The following CNTN5 variants were observed in gnomAD, a reference collection of about 807,000 sequenced individuals.
The protein encoded by CNTN5 is contactin 5, also known as contactin-5.
In CNTN5, 77 loss-of-function variants were observed where a neutral mutation model predicts 129.1. That is an observed-to-expected ratio of 0.60 (90% confidence interval 0.50 to 0.72). CNTN5 has a LOEUF of 0.72. Ranked by LOEUF, CNTN5 falls within the 30% of genes least tolerant of loss-of-function variation. The probability of loss-of-function intolerance (pLI) is 0.00; values close to 1 mark genes in which losing one functional copy is unlikely to be tolerated. For missense variants in CNTN5, 1,478 were observed against 1,328.8 expected, an observed-to-expected ratio of 1.11 and a Z score of -1.75; for synonymous variants, 509 against 465.6, an observed-to-expected ratio of 1.09 and a Z score of -1.20.
intron 3 of CNTN5, among the ~76,000 whole-genome samples, chr11:99,699,285 A>G (rs1954413081): frequency 6.6e-6 from 1 of 151,534 alleles, no homozygotes; most frequent in Non-Finnish European, 1.5e-5. Context: ...CTTATATTTA[A>G]TGTTTAATTT....
intron 1 of CNTN5, among the ~76,000 whole-genome samples, chr11:99,065,830 C>T (rs1865079882): frequency 6.6e-6 from 1 of 151,318 alleles, no homozygotes; most frequent in Non-Finnish European, 1.5e-5. Context: ...ACTATAAATA[C>T]AGTGAATGTT....
intron 2 of CNTN5, among the ~76,000 whole-genome samples, chr11:99,356,043 G>A (rs1938639025): frequency 6.6e-6 from 1 of 151,798 alleles, no homozygotes; most frequent in Non-Finnish European, 1.5e-5. Flanking sequence ...AGCCAGGATG[G>A]TCTCAATCTC....
chr11:99,125,596 C>A (rs1215172517), intron 1 of CNTN5, among the ~76,000 whole-genome samples: 1 of 151,972 alleles, frequency 6.6e-6, no homozygotes, highest in Non-Finnish European at 1.5e-5. Flanking sequence ...TGTTGTAAGT[C>A]CTGGCTAGAG....
Position 99,436,548 on chromosome 11 carries a change from G to C in CNTN5, c.-71+111064G>C, listed in dbSNP as rs10501910. Among the ~76,000 whole-genome samples the C allele has an allele frequency of 5.5e-4, 84 of 152,158 alleles. No individual in the cohort carries two copies. The East Asian group carries it at 0.011, about 19-fold the overall frequency. The stretch of plus-strand genomic sequence containing the variant: ...TGTATCTATTCTTTCAAAGTAATTG[G>C]TGTTCATCTCAAGATCGTGTTTATG... On this transcript the variant is annotated intron_variant, in intron 2 of 24. Transcript: ENST00000524871.
At chr11:99,124,730 GA>G (rs925491747) in intron 1 of CNTN5, among the ~76,000 whole-genome samples, 5 of 150,490 alleles carry the variant, frequency 3.3e-5, no homozygotes, top group East Asian at 3.9e-4. Context: ...AGTAATAAGG[GA>G]AAAAAAAGAG....
intron 1 of CNTN5, among the ~76,000 whole-genome samples, chr11:99,041,291 G>C (rs2135137462): frequency 6.6e-6 from 1 of 152,016 alleles, no homozygotes; most frequent in South Asian, 2.1e-4. Flanking sequence ...TCTGATTTTT[G>C]CCATATCTTT....
chr11:99,799,451 T>C (rs1946047713), intron 3 of CNTN5, among the ~76,000 whole-genome samples: 1 of 151,988 alleles, frequency 6.6e-6, no homozygotes, highest in Admixed American at 6.6e-5. Flanking sequence ...AGAGTTTTTA[T>C]CATGAAGCAA....
chr11:100,308,212 C>T, intron 20 of CNTN5, 147 bp from the exon 21 acceptor site: 1 of 644,470 alleles, frequency 1.6e-6, no homozygotes, highest in Middle Eastern at 2.7e-4. Context: ...AAAAGGATCA[C>T]CTTTATATTT....
chr11:99,041,597 AATTG>A (rs992389314), intron 1 of CNTN5, among the ~76,000 whole-genome samples: 4 of 152,156 alleles, frequency 2.6e-5, no homozygotes, highest in Non-Finnish European at 5.9e-5. Flanking sequence ...TTTTATCTCA[AATTG>A]ATTGCCCTCA....
chr11:100,321,773 G>T (rs528072292), intron 21 of CNTN5, among the ~76,000 whole-genome samples: 17 of 152,072 alleles, frequency 1.1e-4, no homozygotes, highest in African/African-American at 3.6e-4. Context: ...TGTTGAATTT[G>T]TCAAATGCTT....
chr11:99,346,469 G>C (rs115715988), intron 2 of CNTN5, among the ~76,000 whole-genome samples: 1 of 152,082 alleles, frequency 6.6e-6, no homozygotes, highest in South Asian at 2.1e-4. Context: ...TGATTACTTC[G>C]CCATCCCTGG....
At chr11:100,175,035 A>T (rs1363337502) in intron 13 of CNTN5, among the ~76,000 whole-genome samples, 2 of 152,030 alleles carry the variant, frequency 1.3e-5, no homozygotes, top group Non-Finnish European at 2.9e-5. Context: ...AAAGAGTATG[A>T]ATTTCTTTCA....
chr11:99,904,460 AG>A (rs1260299615), intron 6 of CNTN5, among the ~76,000 whole-genome samples: 1 of 152,066 alleles, frequency 6.6e-6, no homozygotes, highest in Non-Finnish European at 1.5e-5. Flanking sequence ...GTCCCTGCAA[AG>A]GACATGAACT....
At chr11:100,015,870 T>C (rs534153467) in intron 9 of CNTN5, among the ~76,000 whole-genome samples, 1 of 152,126 alleles carries the variant, frequency 6.6e-6, no homozygotes, top group African/African-American at 2.4e-5. Context: ...AGGCACATAC[T>C]TATAGTTTCT....
chr11:100,058,672 G>A (rs1268466308), intron 9 of CNTN5, among the ~76,000 whole-genome samples: 1 of 152,088 alleles, frequency 6.6e-6, no homozygotes, highest in Non-Finnish European at 1.5e-5. Context: ...AAGGAATAAA[G>A]CAGAAAGGTA....
chr11:99,769,119 A>G (rs1011740469), intron 3 of CNTN5, among the ~76,000 whole-genome samples: 3 of 151,982 alleles, frequency 2.0e-5, no homozygotes, highest in Non-Finnish European at 4.4e-5. Context: ...ATTACTTGCA[A>G]TATTCTTTTT....
At chr11:99,090,556 A>G (rs11827869) in intron 1 of CNTN5, among the ~76,000 whole-genome samples, 1 of 152,232 alleles carries the variant, frequency 6.6e-6, no homozygotes, top group East Asian at 1.9e-4. Flanking sequence ...AACAAAATCC[A>G]CAAATCCCTT....
At chr11:99,243,671 T>C (rs1413077128) in intron 1 of CNTN5, among the ~76,000 whole-genome samples, 3 of 152,048 alleles carry the variant, frequency 2.0e-5, no homozygotes, top group Admixed American at 2.0e-4. Context: ...GTTTTATTCT[T>C]CTGCATATAG....
In CNTN5 at chr11:99,553,443, T is replaced by G. The variant is rs74504198; in HGVS notation, c.-70-2702T>G. Among the ~76,000 whole-genome samples the G allele has an allele frequency of 4.9e-3, 749 of 152,246 alleles. 42 individuals are homozygous for G. In the East Asian group the frequency reaches 0.11, roughly 23 times the overall value. On this transcript the variant is annotated intron_variant, in intron 2 of 24. Transcript: ENST00000524871. ...TGTCATTTCTTTGATGCAGGAATTTTATTAAAGTCATCGGATAACTATGTT... is the reference window on the plus strand; with the variant it reads ...TGTCATTTCTTTGATGCAGGAATTTGATTAAAGTCATCGGATAACTATGTT...
Sources: allele counts gnomAD v4.1 joint callset (sites outside exome capture counted in the v4.1 genomes callset), GRCh38; gene constraint gnomAD v4.1.1; transcripts MANE v1.5; gene names NCBI Gene and HGNC (gene_info 2026-07-23, HGNC 2026-07-21).